PCDHA4: variants seen among roughly 807,000 people sequenced by gnomAD.
PCDHA4 encodes protocadherin alpha 4, also known as protocadherin alpha-4.
PCDHA4 carries 49 observed loss-of-function variants against 61.4 expected under a neutral mutation model. That is an observed-to-expected ratio of 0.80 (90% CI 0.63 to 1.01). The LOEUF (loss-of-function observed/expected upper bound fraction) is 1.01, where lower values mean the gene tolerates loss of function less well. PCDHA4 is among the 50% of genes least tolerant of loss of function. PCDHA4 has a pLI of 0.00. For missense variants in PCDHA4, 1,254 were observed against 1,235.8 expected (o/e 1.01, Z -0.22); for synonymous variants, 590 against 550.3 (o/e 1.07, Z -1.01).
chr5:140,968,807 G>C (rs1327580375), intron 1 of PCDHA4: 1 of 1,614,178 alleles, frequency 6.2e-7, no homozygotes, highest in Non-Finnish European at 8.5e-7. Flanking sequence ...AGTAGCTGTG[G>C]TGGATAGGGT....
chr5:140,841,884 A>G, intron 1 of PCDHA4: 1 of 1,613,846 alleles, frequency 6.2e-7, no homozygotes, highest in Non-Finnish European at 8.5e-7. Flanking sequence ...AAGAACGATG[A>G]GAATAAACTG....
Position 141,011,124 on chromosome 5 carries a change from G to A in PCDHA4, c.*1187G>A, listed in dbSNP as rs893951024. ...TCTCTCTTTTCTAAGAAACAATTAT[G>A]TGCACTTTGATACACAACCTTCTCT... On this transcript the variant is annotated 3_prime_UTR_variant, in exon 4 of 4. Transcript: ENST00000530339. 1 of 153,618 alleles carries A rather than the reference G, an allele frequency of 6.5e-6. No individual in the cohort carries two copies. The highest frequency in any genetic ancestry group is 2.4e-5 in the African/African-American group (1 of 41,382). 9.5% of individuals were successfully genotyped at this position (153,618 alleles called of 1,614,324 possible).
At chr5:140,938,930 A>T (rs2092272913) in intron 1 of PCDHA4, among the ~76,000 whole-genome samples, 1 of 152,066 alleles carries the variant, frequency 6.6e-6, no homozygotes, top group African/African-American at 2.4e-5. Flanking sequence ...ATTGGCTTTT[A>T]ACTTTCCATT....
intron 1 of PCDHA4, among the ~76,000 whole-genome samples, chr5:140,840,932 A>G (rs1391347019): frequency 1.3e-5 from 2 of 152,030 alleles, no homozygotes; most frequent in African/African-American, 2.4e-5. Flanking sequence ...AATTGATACG[A>G]TATTTGAAAT....
At chr5:140,869,099 A>G in intron 1 of PCDHA4, 1 of 1,596,446 alleles carries the variant, frequency 6.3e-7, no homozygotes, top group African/African-American at 1.3e-5. Flanking sequence ...CCAATTTCGT[A>G]TGCGATGTTT....
At chr5:140,978,763 A>G (rs932766044) in intron 1 of PCDHA4, among the ~76,000 whole-genome samples, 186 bp from the exon 2 acceptor site, 11 of 152,258 alleles carry the variant, frequency 7.2e-5, no homozygotes, top group Non-Finnish European at 1.3e-4. Flanking sequence ...GAGGACCCTG[A>G]TGAACTAATT....
chr5:140,929,140 C>T, intron 1 of PCDHA4: 1 of 1,614,176 alleles, frequency 6.2e-7, no homozygotes, highest in Non-Finnish European at 8.5e-7. Context: ...AGTTGAGAGA[C>T]TTTCTCAGAC....
At chr5:140,828,645 A>T in intron 1 of PCDHA4, 1 of 1,614,224 alleles carries the variant, frequency 6.2e-7, no homozygotes, top group South Asian at 1.1e-5. Flanking sequence ...GTGAAAATAA[A>T]CAGTGATGAC....
intron 1 of PCDHA4, chr5:140,841,215 G>C: frequency 7.1e-7 from 1 of 1,415,722 alleles, no homozygotes; most frequent in African/African-American, 1.4e-5. Flanking sequence ...TGTCTCTAAA[G>C]GCCGAACAAC....
intron 1 of PCDHA4, chr5:140,876,078 A>C (rs2056099570): frequency 6.2e-7 from 1 of 1,613,868 alleles, no homozygotes; most frequent in Non-Finnish European, 8.5e-7. Flanking sequence ...TATTGGACAG[A>C]GAGCAAACGC....
chr5:140,896,615 G>A (rs1293256212), intron 1 of PCDHA4, among the ~76,000 whole-genome samples: 4 of 151,782 alleles, frequency 2.6e-5, no homozygotes, highest in African/African-American at 9.7e-5. Context: ...GGTCTTAAGT[G>A]ATCCACCTGC....
chr5:140,897,722 T>A (rs1236534951), intron 1 of PCDHA4, among the ~76,000 whole-genome samples: 1 of 152,162 alleles, frequency 6.6e-6, no homozygotes, highest in African/African-American at 2.4e-5. Flanking sequence ...GATGGCTGGG[T>A]CAAATAGTAT....
chr5:140,978,182 AC>A (rs1240611427), intron 1 of PCDHA4, among the ~76,000 whole-genome samples: 1 of 152,186 alleles, frequency 6.6e-6, no homozygotes, highest in African/African-American at 2.4e-5. Context: ...AGAGAGGGCA[AC>A]AGATCTTTTC....
chr5:140,842,664 T>A lies in PCDHA4; in HGVS notation c.2385+33092T>A. 1.9e-6 allele frequency: 3 copies of A among 1,595,188 alleles called. No homozygotes were observed. In the South Asian group the frequency reaches 3.3e-5, roughly 18 times the overall value. On this transcript the variant is annotated intron_variant, in intron 1 of 3. Transcript: ENST00000530339. The stretch of plus-strand genomic sequence containing the variant: ...AGCTTGTCTGTGGAGGTGGCCGACG[T>A]GAACGACAATGCTCCGGCGTTCGCG...
At chr5:140,931,021 G>C (rs2153606770) in intron 1 of PCDHA4, among the ~76,000 whole-genome samples, 1 of 152,272 alleles carries the variant, frequency 6.6e-6, no homozygotes, top group Admixed American at 6.5e-5. Flanking sequence ...GGAATTTTCT[G>C]ATTGTAGAGC....
chr5:140,986,945 C>T (rs1295830111), intron 3 of PCDHA4, among the ~76,000 whole-genome samples: 1 of 151,946 alleles, frequency 6.6e-6, no homozygotes, highest in Non-Finnish European at 1.5e-5. Flanking sequence ...TGGGTGTGGT[C>T]GCTCATGCCT....
chr5:140,981,726 T>C (rs1554243283), intron 2 of PCDHA4, among the ~76,000 whole-genome samples: 1 of 151,710 alleles, frequency 6.6e-6, no homozygotes, highest in Non-Finnish European at 1.5e-5. Context: ...CCAACAAATA[T>C]TTGAGAGATT....
chr5:140,964,586 C>T (rs2095842092), intron 1 of PCDHA4, among the ~76,000 whole-genome samples: 1 of 152,078 alleles, frequency 6.6e-6, no homozygotes, highest in Non-Finnish European at 1.5e-5. Flanking sequence ...GAGGAAAGAT[C>T]ACTTTTCATG....
At chr5:140,873,113 C>T (rs2054104761) in intron 1 of PCDHA4, among the ~76,000 whole-genome samples, 1 of 152,114 alleles carries the variant, frequency 6.6e-6, no homozygotes, top group Admixed American at 6.5e-5. Flanking sequence ...TACCATTTGG[C>T]ACAATATTCA....
Sources: allele counts gnomAD v4.1 joint callset (sites outside exome capture counted in the v4.1 genomes callset), GRCh38; gene constraint gnomAD v4.1.1; transcripts MANE v1.5; gene names NCBI Gene and HGNC (gene_info 2026-07-23, HGNC 2026-07-21).